The following RFLNA variants were observed in gnomAD, a reference collection of about 807,000 sequenced individuals.
RFLNA encodes refilin A, also known as refilin-A.
In RFLNA, 5 loss-of-function variants were observed where a neutral mutation model predicts 7.8. That is an observed-to-expected ratio of 0.64 (90% CI 0.34 to 1.35). RFLNA has a LOEUF of 1.35. RFLNA is among the 40% of genes most tolerant of loss of function. The pLI is 0.04. For missense variants in RFLNA, 278 were observed against 305.5 expected (o/e 0.91, Z 0.67); for synonymous variants, 141 against 131.3 (o/e 1.07, Z -0.50).
chr12:124,308,866 C>T (rs2034184307), intron 1 of RFLNA, among the ~76,000 whole-genome samples: 1 of 152,206 alleles, frequency 6.6e-6, no homozygotes, highest in African/African-American at 2.4e-5. Context: ...CCTGCGTCCC[C>T]CTAGGGTGGC....
upstream of RFLNA, among the ~76,000 whole-genome samples, chr12:124,293,225 C>A (rs1231327571): frequency 6.6e-6 from 1 of 152,202 alleles, no homozygotes; most frequent in Non-Finnish European, 1.5e-5. Flanking sequence ...CCGCACCAGG[C>A]CTCAAAATAT....
At chr12:124,314,147 G>A in intron 2 of RFLNA, 45 bp from the exon 3 acceptor site, 1 of 1,576,076 alleles carries the variant, frequency 6.3e-7, no homozygotes, top group African/African-American at 1.3e-5. Context: ...GAATCGGGCT[G>A]CCCCCAATCC....
At chr12:124,313,112 A>T (rs2135695285) in intron 2 of RFLNA, among the ~76,000 whole-genome samples, 1 of 152,332 alleles carries the variant, frequency 6.6e-6, no homozygotes, top group Non-Finnish European at 1.5e-5. Context: ...TCTAGTTTTT[A>T]AAATGCAAGC....
Position 124,314,813 on chromosome 12 carries a change from C to T in RFLNA, c.*288C>T. Reference sequence around the variant, plus strand: ...TGCACTGTTAGGTGGTGGCCACCCCCAGGGTCAGGGGAAAAGAATGGGTCC... The same window carrying T: ...TGCACTGTTAGGTGGTGGCCACCCCTAGGGTCAGGGGAAAAGAATGGGTCC... On this transcript the variant is annotated 3_prime_UTR_variant, in exon 3 of 3. Coordinates refer to ENST00000546355, the MANE Select transcript of RFLNA (RefSeq NM_001365156.1). 2 of 623,992 alleles carry T rather than the reference C, an allele frequency of 3.2e-6. No homozygotes were observed. The highest frequency in any genetic ancestry group is 6.0e-6 in the Non-Finnish European group (2 of 335,014). 38.7% of individuals were successfully genotyped at this position (623,992 alleles called of 1,614,324 possible).
chr12:124,302,400 C>T (rs1310872721), intron 1 of RFLNA, among the ~76,000 whole-genome samples: 1 of 152,146 alleles, frequency 6.6e-6, no homozygotes, highest in Non-Finnish European at 1.5e-5. Flanking sequence ...TCGTGGGTTC[C>T]TTGCTGGGCC....
intron 2 of RFLNA, among the ~76,000 whole-genome samples, chr12:124,313,927 T>G (rs1173971300): frequency 6.6e-6 from 1 of 152,208 alleles, no homozygotes; most frequent in African/African-American, 2.4e-5. Flanking sequence ...CCCGATAAGG[T>G]CCTTTCCTGG....
rs982168326 is a variant in RFLNA at position 124,306,163 on chromosome 12, C to A, written c.208-5655C>A. On this transcript the variant is annotated intron_variant, in intron 1 of 2. Transcript: ENST00000546355. This position sits in a 1 kb window ranked among gnomAD's most constrained non-coding sequence, Gnocchi z 5.2. ...GTCTCCCCTCCCCATAGTGCAGGGG[C>A]GGAGAGGTGCCAGGTCCTGGGCTTA... Among the ~76,000 whole-genome samples the A allele has an allele frequency of 5.9e-5, 9 of 151,740 alleles. No homozygotes were observed. The highest frequency in any genetic ancestry group is 2.2e-4 in the African/African-American group (9 of 41,280).
intron 1 of RFLNA, among the ~76,000 whole-genome samples, chr12:124,304,239 C>T (rs1466569230): frequency 6.6e-6 from 1 of 152,254 alleles, no homozygotes; most frequent in African/African-American, 2.4e-5. Context: ...TCCAGCCCTG[C>T]AGCTCCGCGG....
intron 2 of RFLNA, among the ~76,000 whole-genome samples, chr12:124,312,178 C>T (rs2034257405): frequency 1.3e-5 from 2 of 152,164 alleles, no homozygotes; most frequent in Non-Finnish European, 1.5e-5. Context: ...CACCCCAGGT[C>T]TATTCAGCCG....
At chr12:124,310,133 A>ACCG (rs1242382743) in intron 1 of RFLNA, among the ~76,000 whole-genome samples, 1 of 129,678 alleles carries the variant, frequency 7.7e-6, no homozygotes, top group Admixed American at 9.1e-5. Context: ...TGATTGCACT[A>ACCG]CCGTACTCTA....
At chr12:124,313,049 G>T (rs2034281505) in intron 2 of RFLNA, among the ~76,000 whole-genome samples, 1 of 152,196 alleles carries the variant, frequency 6.6e-6, no homozygotes, top group South Asian at 2.1e-4. Flanking sequence ...GGTCCCAGGA[G>T]ACAAACGAGT....
chr12:124,304,306 G>A (rs1171991545), intron 1 of RFLNA, among the ~76,000 whole-genome samples: 5 of 152,232 alleles, frequency 3.3e-5, no homozygotes, highest in Non-Finnish European at 7.3e-5. Context: ...CAGGCCCACG[G>A]GACGCCAGCC....
chr12:124,309,274 C>G (rs550349198), intron 1 of RFLNA, among the ~76,000 whole-genome samples: 1 of 152,200 alleles, frequency 6.6e-6, no homozygotes, highest in Non-Finnish European at 1.5e-5. Flanking sequence ...GTGGTCAAAC[C>G]CTTCTCGTGC....
chr12:124,296,181 C>CTTTTCTTTTCTTTTCTTTTCTT lies in RFLNA; in HGVS notation c.207+547_207+548insTTCTTTTCTTTTCTTTTCTTTT, dbSNP rs1266830282. ...CTTCTCTTCTCTTCTCTTCTCTTCTCTTCTTTTCTTTTCTTTTCTTTTTTT... is the reference window on the plus strand; with the variant it reads ...CTTCTCTTCTCTTCTCTTCTCTTCTCTTTTCTTTTCTTTTCTTTTCTTTTCTTTTCTTTTCTTTTCTTTTTTT... On this transcript the variant is annotated intron_variant, in intron 1 of 2. Transcript: ENST00000546355. Among the ~76,000 whole-genome samples the CTTTTCTTTTCTTTTCTTTTCTT allele has an allele frequency of 5.0e-4, 3 of 5,952 alleles. 1 individual carries two copies. In the East Asian group the frequency reaches 0.019, roughly 38 times the overall value. The allele number at this position is 5,952 out of a possible 152,430, so 3.9% of individuals were successfully genotyped here. A position where few individuals can be genotyped will look rare whatever the true frequency, so the allele number is the denominator to read the frequency against.
Position 124,295,421 on chromosome 12 carries a change from C to G in RFLNA, c.-9C>G. 8.2e-7 allele frequency: 1 copy of G among 1,220,634 alleles called. No individual in the cohort carries two copies. Among genetic ancestry groups the G allele is most frequent in the Non-Finnish European group, 1.0e-6 (1 of 982,050 alleles). 75.6% of individuals were successfully genotyped at this position (1,220,634 alleles called of 1,614,324 possible). A position where few individuals can be genotyped will look rare whatever the true frequency, so the allele number is the denominator to read the frequency against. ...GGAGCGGGGGGCCCGCGCCCCGCGC[C>G]CCCCAGACATGGTGGGCCACCTGCA... On this transcript the variant is annotated 5_prime_UTR_variant, in exon 1 of 3. Transcript: ENST00000546355.
chr12:124,307,126 A>G (rs1350199028), intron 1 of RFLNA, among the ~76,000 whole-genome samples: 1 of 152,222 alleles, frequency 6.6e-6, no homozygotes, highest in African/African-American at 2.4e-5. Flanking sequence ...CCGCGGGGGC[A>G]TCGTGATCTG....
upstream of RFLNA, among the ~76,000 whole-genome samples, chr12:124,291,556 C>T (rs1253807694): frequency 6.6e-6 from 1 of 152,194 alleles, no homozygotes; most frequent in Non-Finnish European, 1.5e-5. Flanking sequence ...CGTTCCTGGC[C>T]TGCTTTATTT....
At chr12:124,311,566 G>A (rs2135693052) in intron 1 of RFLNA, 1 of 377,794 alleles carries the variant, frequency 2.6e-6, no homozygotes, top group East Asian at 5.1e-5. Context: ...ACCCCTTGTT[G>A]AGAACTGGGA....
At position 124,296,138 on chromosome 12, in the gene RFLNA, C is replaced by CTCTTTCTT. The variant is rs1343473848; in HGVS notation, c.207+503_207+504insCTTTCTTT. Among the ~76,000 whole-genome samples, 4 of 1,048 alleles carry CTCTTTCTT rather than the reference C, an allele frequency of 3.8e-3. 1 individual carries two copies. Among genetic ancestry groups the CTCTTTCTT allele is most frequent in the Admixed American group, 0.029 (2 of 70 alleles). 0.7% of individuals were successfully genotyped at this position (1,048 alleles called of 152,430 possible). On this transcript the variant is annotated intron_variant, in intron 1 of 2. Coordinates refer to ENST00000546355, the MANE Select transcript of RFLNA (RefSeq NM_001365156.1). ...TTTCTTTCTTTCTCTCTCTCTCTCTCTTCTTCTCTTCTCTTCTCTTCTCTT... is the reference window on the plus strand; with the variant it reads ...TTTCTTTCTTTCTCTCTCTCTCTCTCTCTTTCTTTTCTTCTCTTCTCTTCTCTTCTCTT...
Sources: allele counts gnomAD v4.1 joint callset (sites outside exome capture counted in the v4.1 genomes callset), GRCh38; gene constraint gnomAD v4.1.1; non-coding constraint Gnocchi (gnomAD v3.1); transcripts MANE v1.5; gene names NCBI Gene and HGNC (gene_info 2026-07-23, HGNC 2026-07-21).